The following RBFOX1 variants were observed in gnomAD, a reference collection of about 807,000 sequenced individuals.
The protein encoded by RBFOX1 is RNA binding fox-1 homolog 1.
RBFOX1 carries 8 observed loss-of-function variants against 57.7 expected under a neutral mutation model. The ratio of observed to expected loss-of-function variants is 0.14; its 90% CI spans 0.08 to 0.25. RBFOX1 has a LOEUF of 0.25. RBFOX1 is among the 10% of genes least tolerant of loss of function. RBFOX1 has a pLI of 1.00. For synonymous variants in RBFOX1, 326 were observed against 222.4 expected (o/e 1.47, Z -4.15); for missense variants, 611 against 548.5 (o/e 1.11, Z -1.14).
chr16:5,819,001 C>G (rs922903532), intron 3 of RBFOX1, among the ~76,000 whole-genome samples: 3 of 152,166 alleles, frequency 2.0e-5, no homozygotes, highest in Non-Finnish European at 4.4e-5. Context: ...TGTCCTTCTC[C>G]TCCTCTGCTC....
At chr16:6,616,475 G>A (rs1407724498) in intron 2 of RBFOX1, among the ~76,000 whole-genome samples, 1 of 151,928 alleles carries the variant, frequency 6.6e-6, no homozygotes, top group Non-Finnish European at 1.5e-5. Context: ...AGGAGATCGA[G>A]ACCATCCTGG....
intron 4 of RBFOX1, among the ~76,000 whole-genome samples, chr16:7,203,762 C>T (rs528276965): frequency 3.9e-5 from 6 of 152,220 alleles, no homozygotes; most frequent in South Asian, 2.1e-4. Flanking sequence ...GACTCTTTCT[C>T]GAAATCTCCT....
intron 4 of RBFOX1, among the ~76,000 whole-genome samples, chr16:7,106,683 G>A (rs757350928): frequency 5.9e-5 from 9 of 151,794 alleles, no homozygotes; most frequent in African/African-American, 9.7e-5. Flanking sequence ...GAAATCCTAC[G>A]ATGTGTGAGC....
At chr16:6,673,669 A>C (rs1430249302) in intron 3 of RBFOX1, among the ~76,000 whole-genome samples, 1 of 152,180 alleles carries the variant, frequency 6.6e-6, no homozygotes, top group Non-Finnish European at 1.5e-5. Flanking sequence ...GCCGGGGTGG[A>C]GGACCAGCTT....
chr16:7,227,545 G>A (rs2093218514), intron 4 of RBFOX1, among the ~76,000 whole-genome samples: 1 of 152,168 alleles, frequency 6.6e-6, no homozygotes, highest in African/African-American at 2.4e-5. Context: ...TGGTTTCCCT[G>A]GGGGCAGCTT....
At chr16:6,407,596 G>GAGAGAGAGAC (rs71386523) in intron 2 of RBFOX1, among the ~76,000 whole-genome samples, 2 of 146,080 alleles carry the variant, frequency 1.4e-5, no homozygotes, top group Admixed American at 6.8e-5. Context: ...AGAGAGAGAA[G>GAGAGAGAGAC]TACATTCTAT....
intron 4 of RBFOX1, among the ~76,000 whole-genome samples, chr16:7,248,600 C>G (rs564881554): frequency 8.5e-5 from 13 of 152,276 alleles, no homozygotes; most frequent in East Asian, 3.9e-4. Flanking sequence ...GGCATTTCTT[C>G]TTTATGGTGA....
At chr16:7,324,660 T>C (rs1396871327) in intron 4 of RBFOX1, among the ~76,000 whole-genome samples, 1 of 152,192 alleles carries the variant, frequency 6.6e-6, no homozygotes, top group African/African-American at 2.4e-5. Context: ...AAGCGCTTAA[T>C]GAACCAAGAG....
At chr16:6,609,599 A>T (rs1318558219) in intron 2 of RBFOX1, among the ~76,000 whole-genome samples, 1 of 152,168 alleles carries the variant, frequency 6.6e-6, no homozygotes, top group Non-Finnish European at 1.5e-5. Flanking sequence ...TTAATTTAAA[A>T]AAAAATTTGT....
chr16:5,376,825 C>A (rs2065996547), intron 1 of RBFOX1, among the ~76,000 whole-genome samples: 1 of 150,820 alleles, frequency 6.6e-6, no homozygotes, highest in African/African-American at 2.5e-5. Context: ...CCAGTAGCAG[C>A]CTCAGCCAGT....
At chr16:6,968,819 T>C (rs2084871938) in intron 3 of RBFOX1, among the ~76,000 whole-genome samples, 1 of 151,012 alleles carries the variant, frequency 6.6e-6, no homozygotes, top group African/African-American at 2.5e-5. Context: ...CCAGGTTTTT[T>C]TGTTTTTTTT....
chr16:5,644,646 C>A (rs1269576118), intron 3 of RBFOX1, among the ~76,000 whole-genome samples: 1 of 152,136 alleles, frequency 6.6e-6, no homozygotes, highest in Non-Finnish European at 1.5e-5. Flanking sequence ...TTTTTTCCTC[C>A]ACAAATTGTG....
chr16:5,939,523 A>G lies in RBFOX1; in HGVS notation c.351+72188A>G, dbSNP rs60307183. 2.4e-3 allele frequency among the ~76,000 whole-genome samples: 367 copies of G among 152,308 alleles called. 5 individuals carry two copies. Among genetic ancestry groups the G allele is most frequent in the African/African-American group, 8.6e-3 (356 of 41,582 alleles). The stretch of plus-strand genomic sequence containing the variant: ...ACAGGACTGTCTGAGCATCCTCACA[A>G]CATGGCTGCTGGCCGCCCTTCAGAG... On this transcript the variant is annotated intron_variant, in intron 4 of 19. Coordinates refer to the RBFOX1 transcript ENST00000641259.
chr16:7,001,227 G>A (rs935082347), intron 3 of RBFOX1, among the ~76,000 whole-genome samples: 2 of 151,996 alleles, frequency 1.3e-5, no homozygotes, highest in African/African-American at 2.4e-5. Context: ...TCTGTTGTTG[G>A]CCAGTGGGAA....
At chr16:6,073,625 C>T (rs561287494) in intron 1 of RBFOX1, among the ~76,000 whole-genome samples, 1 of 152,116 alleles carries the variant, frequency 6.6e-6, no homozygotes, top group South Asian at 2.1e-4. Flanking sequence ...GGTGCACAAA[C>T]ATGTTAAAGG....
chr16:6,038,875 A>G (rs546471914), intron 1 of RBFOX1: 2 of 151,274 alleles, frequency 1.3e-5, no homozygotes, highest in South Asian at 2.1e-4. Flanking sequence ...GTGTTTTTAA[A>G]TACGCAGTGA....
intron 3 of RBFOX1, among the ~76,000 whole-genome samples, chr16:6,937,576 G>C (rs1393038436): frequency 1.3e-5 from 2 of 152,138 alleles, no homozygotes; most frequent in African/African-American, 2.4e-5. Context: ...ACACATTTTA[G>C]GGAGATGTGA....
In RBFOX1 at chr16:6,469,556, G is replaced by A. The variant is rs889670555; in HGVS notation, c.-64+152499G>A. Among the ~76,000 whole-genome samples, 6 of 152,152 alleles carry A rather than the reference G, an allele frequency of 3.9e-5. No individual in the cohort carries two copies. In the East Asian group the frequency reaches 7.7e-4, roughly 20 times the overall value. On this transcript the variant is annotated intron_variant, in intron 2 of 15. Transcript: ENST00000550418. The stretch of plus-strand genomic sequence containing the variant: ...GGGGTGAGACGAGATGCAAATGCTC[G>A]GAGGTATCTCAGCACTCAAGAACAA...
At chr16:7,604,487 G>C (rs1243389605) in intron 9 of RBFOX1, among the ~76,000 whole-genome samples, 2 of 152,210 alleles carry the variant, frequency 1.3e-5, no homozygotes, top group African/African-American at 4.8e-5. Flanking sequence ...TGATGAAGGA[G>C]AGTATCATTT....
Sources: gnomAD v4.1 joint callset for allele counts (sites outside exome capture counted in the v4.1 genomes callset) on GRCh38, gnomAD v4.1.1 for gene constraint, MANE v1.5 for transcripts, NCBI Gene and HGNC (gene_info 2026-07-23, HGNC 2026-07-21) for gene names.